The following CD34 variants were observed in gnomAD, a reference collection of about 807,000 sequenced individuals.
The protein encoded by CD34 is CD34 molecule.
CD34 carries 34 observed loss-of-function variants against 40.1 expected under a neutral mutation model. That is an observed-to-expected ratio of 0.85 (90% CI 0.65 to 1.13). CD34 has a LOEUF of 1.13. Ranked by LOEUF, CD34 falls within the 50% of genes most tolerant of loss-of-function variation. CD34 has a pLI of 0.00. For missense variants in CD34, 426 were observed against 466.9 expected (o/e 0.91, Z 0.81); for synonymous variants, 209 against 190.0 (o/e 1.10, Z -0.82).
chr1:207,888,917 T>C (rs1166030128), intron 6 of CD34, 71 bp from the exon 7 acceptor site: 19 of 1,435,348 alleles, frequency 1.3e-5, no homozygotes, highest in Non-Finnish European at 1.8e-5. Flanking sequence ...TCCAGCCCTC[T>C]GTGTGTGACT....
rs908626140 is a variant in CD34, at chr1:207,902,386, A to T, written c.80-2383T>A. ...TCTGTAGAGAAAAGGATGGGCTCCC[A>T]TCTGGCTTAAACAGGAGGTGGGTTG... is the stretch of plus-strand genomic sequence containing the variant. On this transcript the variant is annotated intron_variant, in intron 1 of 7. Coordinates refer to ENST00000310833, the MANE Select transcript of CD34 (RefSeq NM_001025109.2). Among the ~76,000 whole-genome samples the T allele has an allele frequency of 3.3e-5, 5 of 152,232 alleles. No individual in the cohort carries two copies. The East Asian group carries it at 7.7e-4, about 23-fold the overall frequency.
chr1:207,910,867 C>G (rs1176998590), intron 1 of CD34, 135 bp downstream of exon 1: 22 of 870,654 alleles, frequency 2.5e-5, no homozygotes, highest in Non-Finnish European at 3.7e-5. Context: ...GGGGAAGCAG[C>G]TGTGGGCGGC....
In CD34 at chr1:207,888,874, C is replaced by A. The variant is rs747179304; in HGVS notation, c.808-28G>T. ...TGAAAAGAAGACAAAGAAGATACAG[C>A]CTGTCACTTGCCAAAAGTGGAGCCC... On this transcript the variant is annotated intron_variant, in intron 6 of 7. Transcript: ENST00000310833. The A allele has an allele frequency of 1.9e-6, 3 of 1,610,808 alleles. No individual in the cohort carries two copies. In the East Asian group the frequency reaches 6.7e-5, roughly 36 times the overall value.
Position 207,889,185 on chromosome 1 carries a change from T to A in CD34, c.783A>T (p.Lys261Asn). ...TEISSKLQLM[K>N]KHQSDLKKLG... Reference sequence around the variant, plus strand: ...CCTTTTTCAGGTCAGATTGGTGCTTTTTCATAAGTTGGAGTTTGCTGGAAA... The same window carrying A: ...CCTTTTTCAGGTCAGATTGGTGCTTATTCATAAGTTGGAGTTTGCTGGAAA... The change falls in exon 6 of 8, where the codon AAA (lysine) becomes AAT (asparagine). Residue 261 changes from lysine (K) to asparagine (N), a missense_variant. By Grantham distance (94) the Lys-to-Asn change is moderately conservative. Transcript: ENST00000310833. 6.2e-7 allele frequency: 1 copy of A among 1,609,050 alleles called. No individual in the cohort carries two copies. Among genetic ancestry groups the A allele is most frequent in the Non-Finnish European group, 8.5e-7 (1 of 1,175,308 alleles).
chr1:207,908,082 C>T (rs772643123), intron 1 of CD34, among the ~76,000 whole-genome samples: 16 of 152,180 alleles, frequency 1.1e-4, no homozygotes, highest in Non-Finnish European at 2.1e-4. Context: ...ATGAGACCAA[C>T]GGTAAGAAGT....
chr1:207,903,787 TA>T (rs1195703592), intron 1 of CD34, among the ~76,000 whole-genome samples: 1 of 152,158 alleles, frequency 6.6e-6, no homozygotes, highest in African/African-American at 2.4e-5. Context: ...AAGCAAATAA[TA>T]AGGAGAAGCA....
chr1:207,899,861 A>G lies in CD34; in HGVS notation c.222T>C (p.Pro74=), dbSNP rs376656432. 2 of 1,612,746 alleles carry G rather than the reference A, an allele frequency of 1.2e-6. No individual in the cohort carries two copies. The highest frequency in any genetic ancestry group is 2.7e-5 in the African/African-American group (2 of 74,848). Residue 74 remains proline, a synonymous_variant, in exon 2 of 8, where the codon CCT becomes CCC. Coordinates refer to ENST00000310833, the MANE Select transcript of CD34 (RefSeq NM_001025109.2). ...TGGCCTCATTGCCATGTTGAGACAC[A>G]GGGTGCAGGCTGGTACTTCCAAGGG... ...PSTLGSTSLH[P]VSQHGNEATT...
intron 1 of CD34, among the ~76,000 whole-genome samples, chr1:207,906,918 T>A (rs1662393967): frequency 6.6e-6 from 1 of 152,170 alleles, no homozygotes; most frequent in Admixed American, 6.5e-5. Flanking sequence ...GGAACCCTAA[T>A]TATTTTGAAG....
intron 4 of CD34, among the ~76,000 whole-genome samples, chr1:207,892,609 G>A (rs1206509573): frequency 6.6e-6 from 1 of 151,664 alleles, no homozygotes; most frequent in Non-Finnish European, 1.5e-5. Context: ...TGTCCAATGT[G>A]GTGTTGAGAA....
chr1:207,887,855 A>AGGGACCT lies in CD34; in HGVS notation c.1040_1041insAGGTCCC (p.Glu348GlyfsTer3). 1 of 1,614,126 alleles carries AGGGACCT rather than the reference A, an allele frequency of 6.2e-7. No homozygotes were observed. The highest frequency in any genetic ancestry group is 8.5e-7 in the Non-Finnish European group (1 of 1,180,014). ...TCACACTGGCCTTTCCCTGAGCCTC[A>AGGGACCT]GGGGAGGTCCCAGGTCCTGAGCTAT... is the stretch of plus-strand genomic sequence containing the variant. On this transcript the variant is annotated frameshift_variant, in exon 8 of 8. Coordinates refer to ENST00000310833, the MANE Select transcript of CD34 (RefSeq NM_001025109.2). LOFTEE classifies it high-confidence loss of function.
In CD34 at chr1:207,884,338, T is replaced by C. The variant is rs149881496; in HGVS notation, c.*3400A>G. 5 of 152,272 alleles carry C rather than the reference T, an allele frequency of 3.3e-5. No homozygotes were observed. The highest frequency in any genetic ancestry group is 1.2e-4 in the African/African-American group (5 of 41,474). 9.4% of individuals were successfully genotyped at this position (152,272 alleles called of 1,614,324 possible). ...CCTGAAAACACATGTATATACTTACTGAGATGACATTGTTTACTGTCCTCT... is the reference window on the plus strand; with the variant it reads ...CCTGAAAACACATGTATATACTTACCGAGATGACATTGTTTACTGTCCTCT... On this transcript the variant is annotated 3_prime_UTR_variant, in exon 8 of 8. Transcript: ENST00000310833.
At chr1:207,898,652 G>T in intron 3 of CD34, among the ~76,000 whole-genome samples, 1 of 152,210 alleles carries the variant, frequency 6.6e-6, no homozygotes, top group East Asian at 1.9e-4. Flanking sequence ...TTCCCAAAGG[G>T]AAATGGTGTC....
intron 1 of CD34, among the ~76,000 whole-genome samples, chr1:207,906,380 G>T (rs1662381633): frequency 1.3e-5 from 2 of 152,190 alleles, no homozygotes; most frequent in Non-Finnish European, 1.5e-5. Flanking sequence ...GTGTTAGGGG[G>T]CTGTCCAACT....
chr1:207,889,563 T>A lies in CD34; in HGVS notation c.656A>T (p.Gln219Leu). The A allele has an allele frequency of 6.2e-7, 1 of 1,614,158 alleles. No individual in the cohort carries two copies. The highest frequency in any genetic ancestry group is 8.5e-7 in the Non-Finnish European group (1 of 1,180,022). Residue 219 changes from glutamine to leucine, a missense_variant, in exon 5 of 8, where the codon CAG becomes CTG. Physicochemically the swap from Gln to Leu is moderately radical, Grantham distance 113 (BLOSUM62 -2). Coordinates refer to ENST00000310833, the MANE Select transcript of CD34 (RefSeq NM_001025109.2). The part of the protein sequence containing the change: ...GLARVLCGEE[Q>L]ADADAGAQVC... ...CTGGGCCCCAGCATCAGCATCAGCC[T>A]GCTCCTCCCCACACAGCACTCGGGC...
chr1:207,899,758 C>T (rs906323513), intron 2 of CD34, 63 bp downstream of exon 2: 3 of 1,459,336 alleles, frequency 2.1e-6, no homozygotes, highest in Non-Finnish European at 2.8e-6. Flanking sequence ...TGAAAACATC[C>T]TAAATGCTTT....
intron 1 of CD34, among the ~76,000 whole-genome samples, chr1:207,904,684 G>T (rs1312631793): frequency 6.6e-6 from 1 of 152,188 alleles, no homozygotes; most frequent in Non-Finnish European, 1.5e-5. Flanking sequence ...CAGTGGGCAT[G>T]AGATACTTAT....
rs535751694 is a variant in CD34 at position 207,891,744 on chromosome 1, G to T, written c.598-2123C>A. Among the ~76,000 whole-genome samples the T allele has an allele frequency of 2.0e-5, 3 of 150,666 alleles. No homozygotes were observed. In the East Asian group the frequency reaches 5.8e-4, roughly 29 times the overall value. On this transcript the variant is annotated intron_variant, in intron 4 of 7. Coordinates refer to ENST00000310833, the MANE Select transcript of CD34 (RefSeq NM_001025109.2). ...TGCTTTCCATATATTAACTCATTTA[G>T]GCCTCACACGACCTACGAGATTGGT...
chr1:207,888,475 G>A (rs954700419), intron 7 of CD34, among the ~76,000 whole-genome samples: 4 of 152,202 alleles, frequency 2.6e-5, no homozygotes, highest in African/African-American at 7.2e-5. Flanking sequence ...GAGTAGGTGG[G>A]CTGGCACCAT....
intron 4 of CD34, chr1:207,890,194 A>T (rs1195452071): frequency 9.9e-7 from 1 of 1,009,810 alleles, no homozygotes; most frequent in Non-Finnish European, 1.2e-6. Context: ...AAAGCATGGA[A>T]CCCAGTTTTA....
Sources: gnomAD v4.1 joint callset for allele counts (sites outside exome capture counted in the v4.1 genomes callset) on GRCh38, gnomAD v4.1.1 for gene constraint, MANE v1.5 for transcripts, NCBI Gene and HGNC (gene_info 2026-07-23, HGNC 2026-07-21) for gene names.